Variants in CNOT6 observed in about 807,000 individuals in gnomAD.
CNOT6 encodes CCR4-NOT transcription complex subunit 6, also known as carbon catabolite repression 4 protein.
In CNOT6, 12 loss-of-function variants were observed where a neutral mutation model predicts 61.2. The observed-to-expected ratio is 0.20, with a 90% confidence interval of 0.13 to 0.32. CNOT6 has a LOEUF of 0.32. Ranked by LOEUF, CNOT6 falls within the 10% of genes least tolerant of loss-of-function variation. CNOT6 has a pLI of 1.00. For synonymous variants in CNOT6, 225 were observed against 240.6 expected (o/e 0.94, Z 0.60); for missense variants, 405 against 663.9 (o/e 0.61, Z 4.28).
chr5:180,560,819 T>C (rs1465611579), intron 4 of CNOT6, among the ~76,000 whole-genome samples: 1 of 152,192 alleles, frequency 6.6e-6, no homozygotes, highest in Non-Finnish European at 1.5e-5. Flanking sequence ...TTTTCAGCCC[T>C]GTCCTCCGTG....
chr5:180,576,734 G>T lies in CNOT6; in HGVS notation c.*2534G>T, dbSNP rs763557293. On this transcript the variant is annotated 3_prime_UTR_variant, in exon 12 of 12. Transcript: ENST00000261951. ...GACTATGATGCTTTTGTTAAGAAAG[G>T]TTTCATGTTTTAGATATTTTCCGTG... The T allele has an allele frequency of 5.3e-5, 8 of 152,044 alleles. No individual in the cohort carries two copies. The highest frequency in any genetic ancestry group is 1.3e-4 in the Admixed American group (2 of 15,260). The allele number at this position is 152,044 out of a possible 1,614,324, so 9.4% of individuals were successfully genotyped here.
intron 6 of CNOT6, 27 bp from the exon 7 acceptor site, chr5:180,565,793 G>A (rs752044950): frequency 1.9e-6 from 3 of 1,539,376 alleles, no homozygotes; most frequent in South Asian, 2.5e-5. Flanking sequence ...CCACATGTGT[G>A]AATAAGTAAA....
Position 180,549,942 on chromosome 5 carries a change from A to C in CNOT6, c.124A>C (p.Ser42Arg). 6.2e-7 allele frequency: 1 copy of C among 1,606,024 alleles called. No individual in the cohort carries two copies. Among genetic ancestry groups the C allele is most frequent in the Non-Finnish European group, 8.5e-7 (1 of 1,174,416 alleles). Residue 42 changes from serine (S) to arginine (R), a missense_variant, in exon 3 of 12, where the codon AGC becomes CGC. Physicochemically the swap from Ser to Arg is moderately radical, Grantham distance 110 (BLOSUM62 -1). Coordinates refer to ENST00000261951, the MANE Select transcript of CNOT6 (RefSeq NM_001370472.1). The stretch of plus-strand genomic sequence containing the variant: ...TTTTTCTCTTACAGGAAAAGTAAGA[A>C]GCTTAAGCGCATCTTTGTGGTCACT... ...AELEISGKVR[S>R]LSASLWSLTH...
chr5:180,496,090 G>A (rs1756601167), intron 1 of CNOT6, among the ~76,000 whole-genome samples: 1 of 151,996 alleles, frequency 6.6e-6, no homozygotes, highest in African/African-American at 2.4e-5. Flanking sequence ...TTAATTTTTT[G>A]TAGAGCCTTG....
At chr5:180,563,478 G>A (rs182680823) in intron 4 of CNOT6, among the ~76,000 whole-genome samples, 2,880 of 151,852 alleles carry the variant, frequency 0.019, 37 homozygotes, top group Non-Finnish European at 0.027. Context: ...TCCTAACCTC[G>A]TGATCCGCCC....
At chr5:180,566,640 C>CTTTTTTTTTTT in intron 7 of CNOT6, among the ~76,000 whole-genome samples, 1 of 75,592 alleles carries the variant, frequency 1.3e-5, no homozygotes, top group African/African-American at 5.2e-5. Flanking sequence ...AAAGATGTTA[C>CTTTTTTTTTTT]TTTTTTTTTT....
chr5:180,568,320 T>C (rs945892701), intron 9 of CNOT6, among the ~76,000 whole-genome samples: 7 of 151,478 alleles, frequency 4.6e-5, no homozygotes, highest in Non-Finnish European at 7.4e-5. Flanking sequence ...GGGTAAGAAC[T>C]CCATACACTT....
intron 2 of CNOT6, among the ~76,000 whole-genome samples, chr5:180,540,653 T>G (rs1409619395): frequency 6.6e-6 from 1 of 152,228 alleles, no homozygotes; most frequent in African/African-American, 2.4e-5. Flanking sequence ...TTATGATGTT[T>G]GGTAGGTTAA....
At chr5:180,531,405 G>A (rs1272098085) in intron 2 of CNOT6, among the ~76,000 whole-genome samples, 1 of 151,436 alleles carries the variant, frequency 6.6e-6, no homozygotes, top group Non-Finnish European at 1.5e-5. Context: ...GGGCAGAGGC[G>A]CTCCCCGCAT....
chr5:180,504,741 A>G (rs974048912), intron 1 of CNOT6, among the ~76,000 whole-genome samples: 2 of 152,156 alleles, frequency 1.3e-5, no homozygotes, highest in African/African-American at 4.8e-5. Context: ...GCAGACTTTA[A>G]AGAGATTTGC....
chr5:180,557,547 C>T (rs974691997), intron 4 of CNOT6, among the ~76,000 whole-genome samples: 1 of 152,150 alleles, frequency 6.6e-6, no homozygotes, highest in African/African-American at 2.4e-5. Flanking sequence ...TTCTTCTTGT[C>T]ATTGTCCATG....
chr5:180,521,066 C>T (rs1027207214), intron 1 of CNOT6, among the ~76,000 whole-genome samples: 2 of 151,872 alleles, frequency 1.3e-5, no homozygotes, highest in East Asian at 1.9e-4. Context: ...CACGAACTCC[C>T]GAGCTCAGAC....
At chr5:180,560,604 C>T (rs1031945437) in intron 4 of CNOT6, among the ~76,000 whole-genome samples, 2 of 152,102 alleles carry the variant, frequency 1.3e-5, no homozygotes, top group Admixed American at 6.5e-5. Context: ...TTGTTTTTCT[C>T]CTGCAGGTAA....
At chr5:180,510,228 AAT>A (rs2127701407) in intron 1 of CNOT6, among the ~76,000 whole-genome samples, 1 of 136,000 alleles carries the variant, frequency 7.4e-6, no homozygotes, top group East Asian at 2.3e-4. Flanking sequence ...TCACAGGTGC[AAT>A]GATAGCACGC....
intron 10 of CNOT6, among the ~76,000 whole-genome samples, chr5:180,570,015 G>A (rs978768952): frequency 6.6e-6 from 1 of 152,000 alleles, no homozygotes; most frequent in Non-Finnish European, 1.5e-5. Flanking sequence ...ACACACACAC[G>A]CACATTTGGA....
chr5:180,565,774 T>A (rs1396107798), intron 6 of CNOT6, 46 bp from the exon 7 acceptor site: 2 of 1,500,746 alleles, frequency 1.3e-6, no homozygotes, highest in East Asian at 2.3e-5. Context: ...AATTATATAT[T>A]TTTTTCTGCC....
intron 2 of CNOT6, among the ~76,000 whole-genome samples, chr5:180,543,163 A>G (rs1323087025): frequency 6.6e-6 from 1 of 152,002 alleles, no homozygotes; most frequent in East Asian, 1.9e-4. Flanking sequence ...GGTTCACACC[A>G]TTCTCCTGCC....
chr5:180,520,360 T>TG (rs1757826932), intron 1 of CNOT6, among the ~76,000 whole-genome samples: 1 of 151,950 alleles, frequency 6.6e-6, no homozygotes, highest in Non-Finnish European at 1.5e-5. Flanking sequence ...GTTAAGGGCC[T>TG]GGGCCGGGCG....
intron 1 of CNOT6, among the ~76,000 whole-genome samples, chr5:180,512,689 C>G (rs1430641648): frequency 6.6e-6 from 1 of 152,042 alleles, no homozygotes; most frequent in African/African-American, 2.4e-5. Context: ...CTCCACCTCC[C>G]AGGTTCAAGC....
Sources: allele counts gnomAD v4.1 joint callset (sites outside exome capture counted in the v4.1 genomes callset), GRCh38; gene constraint gnomAD v4.1.1; transcripts MANE v1.5; gene names NCBI Gene and HGNC (gene_info 2026-07-23, HGNC 2026-07-21).